The following LARP4 variants were observed in gnomAD, a reference collection of about 807,000 sequenced individuals.
LARP4 encodes La ribonucleoprotein 4.
In LARP4, 29 loss-of-function variants were observed where a neutral mutation model predicts 92.9. That is an observed-to-expected ratio of 0.31 (90% CI 0.23 to 0.43). The LOEUF (loss-of-function observed/expected upper bound fraction) is 0.43, where lower values mean the gene tolerates loss of function less well. Ranked by LOEUF, LARP4 falls within the 20% of genes least tolerant of loss-of-function variation. The pLI is 1.00. For synonymous variants in LARP4, 279 were observed against 284.1 expected, an observed-to-expected ratio of 0.98 and a Z score of 0.18; for missense variants, 732 against 860.0, an observed-to-expected ratio of 0.85 and a Z score of 1.86.
rs1373677163 is a variant in LARP4 at position 50,468,321 on chromosome 12, G to A, written c.1545+1201G>A. On this transcript the variant is annotated intron_variant, in intron 13 of 15. Transcript: ENST00000398473. ...TTTTTTTTCTTTTTTTTGAGACAGAGTCTCGCTCGTAGCCCAGGCTGGAGT... is the reference window on the plus strand; with the variant it reads ...TTTTTTTTCTTTTTTTTGAGACAGAATCTCGCTCGTAGCCCAGGCTGGAGT... 8.2e-5 allele frequency among the ~76,000 whole-genome samples: 12 copies of A among 146,988 alleles called. 1 individual carries two copies. The Admixed American group carries it at 8.4e-4, about 10-fold the overall frequency.
intron 10 of LARP4, among the ~76,000 whole-genome samples, chr12:50,455,155 T>A (rs1953980758): frequency 6.6e-6 from 1 of 152,182 alleles, no homozygotes; most frequent in Admixed American, 6.5e-5. Flanking sequence ...TTGAGATGTA[T>A]GTCTGAGGTA....
intron 8 of LARP4, among the ~76,000 whole-genome samples, chr12:50,444,023 A>ACATTTT (rs1467762288): frequency 6.6e-6 from 1 of 152,196 alleles, no homozygotes; most frequent in Non-Finnish European, 1.5e-5. Flanking sequence ...TTAGATCATT[A>ACATTTT]CATTTTCAAA....
At chr12:50,471,667 C>T (rs946947862) in intron 13 of LARP4, among the ~76,000 whole-genome samples, 3 of 152,018 alleles carry the variant, frequency 2.0e-5, no homozygotes, top group Non-Finnish European at 2.9e-5. Flanking sequence ...AATACAGGCG[C>T]GCGCCACCAT....
chr12:50,433,028 A>G (rs749034926), intron 4 of LARP4, among the ~76,000 whole-genome samples: 51 of 151,960 alleles, frequency 3.4e-4, no homozygotes, highest in Admixed American at 6.6e-4. Flanking sequence ...GAAACATCTT[A>G]TGGGGAAAAT....
rs12308581 is a variant in LARP4, at chr12:50,423,051, C to A, written c.19-4711C>A. 3.1e-3 allele frequency among the ~76,000 whole-genome samples: 471 copies of A among 151,994 alleles called. 3 individuals carry two copies. The highest frequency in any genetic ancestry group is 8.8e-3 in the African/African-American group (366 of 41,482). ...GCCAGGCTGGTCTTGAACTCCTGACCTCAGGTGATCCACCCGCCTCAGCCT... is the reference window on the plus strand; with the variant it reads ...GCCAGGCTGGTCTTGAACTCCTGACATCAGGTGATCCACCCGCCTCAGCCT... On this transcript the variant is annotated intron_variant, in intron 1 of 15. Transcript: ENST00000398473.
intron 1 of LARP4, among the ~76,000 whole-genome samples, chr12:50,423,684 T>C (rs1948235925): frequency 6.6e-6 from 1 of 151,330 alleles, no homozygotes; most frequent in Non-Finnish European, 1.5e-5. Flanking sequence ...CCTGACCTCA[T>C]GATCTGCCTG....
chr12:50,453,425 T>C (rs1363163713), intron 8 of LARP4, 35 bp from the exon 9 acceptor site: 1 of 1,222,676 alleles, frequency 8.2e-7, no homozygotes, highest in Non-Finnish European at 1.2e-6. Flanking sequence ...AATATACACT[T>C]AATTCTTTGT....
Position 50,466,989 on chromosome 12 carries a change from G to T in LARP4, c.1414G>T (p.Ala472Ser), listed in dbSNP as rs375232209. ...RPHPSTAESK[A>S]PTPKFDLLAS... ...TCATCCTTCAACAGCTGAATCAAAG[G>T]CTCCAACACCAAAGTTTGACTTATT... The change falls in exon 13 of 16, where the codon GCT (alanine) becomes TCT (serine). Residue 472 changes from alanine (A) to serine (S), a missense_variant. Transcript: ENST00000398473. The T allele has an allele frequency of 1.1e-5, 17 of 1,611,832 alleles. No individual in the cohort carries two copies. Among genetic ancestry groups the T allele is most frequent in the East Asian group, 4.5e-5 (2 of 44,846 alleles).
In LARP4 at chr12:50,436,696, T is replaced by A. The variant is rs1054135427; in HGVS notation, c.536-1039T>A. ...CTTGTATCAGTATTTCTTGGTAACC[T>A]CTTAAGAGTGGGTTTTGTTAACTAT... On this transcript the variant is annotated intron_variant, in intron 5 of 15. Transcript: ENST00000398473. Among the ~76,000 whole-genome samples, 9 of 152,218 alleles carry A rather than the reference T, an allele frequency of 5.9e-5. No individual in the cohort carries two copies. In the East Asian group the frequency reaches 1.5e-3, roughly 26 times the overall value.
intron 5 of LARP4, among the ~76,000 whole-genome samples, 168 bp from the exon 6 acceptor site, chr12:50,437,567 A>G (rs1950619146): frequency 6.6e-6 from 1 of 152,182 alleles, no homozygotes; most frequent in African/African-American, 2.4e-5. Context: ...AATCTCCAAA[A>G]AATTGTCATA....
Position 50,475,870 on chromosome 12 carries a change from A to C in LARP4, c.*6A>C. ...CACCCAGATCACCAAAGTAAAAAAC[A>C]ACAAAACTATTCAAAAACTTCACTC... is the stretch of plus-strand genomic sequence containing the variant. On this transcript the variant is annotated 3_prime_UTR_variant, in exon 16 of 16. Transcript: ENST00000398473. 6.2e-7 allele frequency: 1 copy of C among 1,608,286 alleles called. No individual in the cohort carries two copies. Among genetic ancestry groups the C allele is most frequent in the Non-Finnish European group, 8.5e-7 (1 of 1,176,562 alleles).
chr12:50,409,103 TAGG>T (rs1014157203), intron 1 of LARP4, among the ~76,000 whole-genome samples: 1 of 151,682 alleles, frequency 6.6e-6, no homozygotes, highest in Non-Finnish European at 1.5e-5. Flanking sequence ...AGAAAAAAAA[TAGG>T]AGGGCAGTGA....
In LARP4 at chr12:50,400,908, G is replaced by C. The variant is rs1428362167; in HGVS notation, c.-103G>C. 1.3e-6 allele frequency: 2 copies of C among 1,524,498 alleles called. No individual in the cohort carries two copies. The highest frequency in any genetic ancestry group is 1.7e-5 in the Admixed American group (1 of 59,878). The allele number at this position is 1,524,498 out of a possible 1,614,324, so 94.4% of individuals were successfully genotyped here. A position where few individuals can be genotyped will look rare whatever the true frequency, so the allele number is the denominator to read the frequency against. The stretch of plus-strand genomic sequence containing the variant: ...GGAGCCGGGTCCACTGCCGGGTGGA[G>C]GGGCAAGGCGAGTGTGTGTCCTTAT... On this transcript the variant is annotated 5_prime_UTR_variant, in exon 1 of 16. Transcript: ENST00000398473.
At chr12:50,475,162 G>A (rs1957406335) in intron 15 of LARP4, among the ~76,000 whole-genome samples, 1 of 151,942 alleles carries the variant, frequency 6.6e-6, no homozygotes, top group Non-Finnish European at 1.5e-5. Context: ...TGCTCTGCTG[G>A]GATTCTTTTG....
chr12:50,425,228 A>G (rs1394574206), intron 1 of LARP4, among the ~76,000 whole-genome samples: 4 of 152,190 alleles, frequency 2.6e-5, no homozygotes, highest in South Asian at 2.1e-4. Context: ...TAGCAACTCT[A>G]TGAGTAAGGG....
Position 50,467,178 on chromosome 12 carries a change from G to C in LARP4, c.1545+58G>C, listed in dbSNP as rs371648886. 26 of 1,382,806 alleles carry C rather than the reference G, an allele frequency of 1.9e-5. No individual in the cohort carries two copies. The East Asian group carries it at 2.6e-4, about 14-fold the overall frequency. 85.7% of individuals were successfully genotyped at this position (1,382,806 alleles called of 1,614,324 possible). On this transcript the variant is annotated intron_variant, in intron 13 of 15. Coordinates refer to ENST00000398473, the MANE Select transcript of LARP4 (RefSeq NM_052879.5). ...AGACCATATTTAGGCTTTATTTGCAGTGTTGTTATTTAAAATTTTACTTGC... is the reference window on the plus strand; with the variant it reads ...AGACCATATTTAGGCTTTATTTGCACTGTTGTTATTTAAAATTTTACTTGC...
chr12:50,436,782 A>T (rs1950520278), intron 5 of LARP4, among the ~76,000 whole-genome samples: 1 of 152,254 alleles, frequency 6.6e-6, no homozygotes. Context: ...TTTAAAAGTT[A>T]AATATAGCAA....
intron 1 of LARP4, among the ~76,000 whole-genome samples, chr12:50,413,473 T>C (rs1222730854): frequency 6.6e-6 from 1 of 152,154 alleles, no homozygotes; most frequent in Non-Finnish European, 1.5e-5. Flanking sequence ...TTTCTCCATT[T>C]TTCAAAACTT....
chr12:50,439,442 A>T (rs1452136781), intron 6 of LARP4, among the ~76,000 whole-genome samples: 1 of 151,810 alleles, frequency 6.6e-6, no homozygotes, highest in South Asian at 2.1e-4. Flanking sequence ...TTGCCGTGTC[A>T]CTGAGGGTGT....
Sources: gnomAD v4.1 joint callset for allele counts (sites outside exome capture counted in the v4.1 genomes callset) on GRCh38, gnomAD v4.1.1 for gene constraint, MANE v1.5 for transcripts, NCBI Gene and HGNC (gene_info 2026-07-23, HGNC 2026-07-21) for gene names.